Variants in WASF3 observed in about 807,000 individuals in gnomAD.
WASF3 encodes the protein actin-binding protein WASF3.
Under a neutral mutation model 46.6 loss-of-function variants are expected in WASF3, and 11 were observed. That is an observed-to-expected ratio of 0.24 (90% CI 0.15 to 0.39). WASF3 has a LOEUF of 0.39. Among genes scored for constraint, WASF3 ranks in the 10% least tolerant of loss-of-function variants. The pLI is 1.00. For missense variants in WASF3, 576 were observed against 669.8 expected, an observed-to-expected ratio of 0.86 and a Z score of 1.55; for synonymous variants, 242 against 259.7, an observed-to-expected ratio of 0.93 and a Z score of 0.65.
intron 1 of WASF3, among the ~76,000 whole-genome samples, chr13:26,604,142 A>G (rs539914609): frequency 6.6e-6 from 1 of 152,146 alleles, no homozygotes; most frequent in East Asian, 1.9e-4. Flanking sequence ...TTACTGTGTG[A>G]TTTTTTTTGG....
At chr13:26,622,907 A>G (rs1881351078) in intron 2 of WASF3, among the ~76,000 whole-genome samples, 1 of 152,238 alleles carries the variant, frequency 6.6e-6, no homozygotes, top group South Asian at 2.1e-4. Context: ...TCTTCCAATT[A>G]GGATATAAGA....
chr13:26,636,872 A>T (rs1881840592), intron 2 of WASF3, among the ~76,000 whole-genome samples: 3 of 151,164 alleles, frequency 2.0e-5, no homozygotes, highest in Non-Finnish European at 2.9e-5. Context: ...CTTCCTCAGC[A>T]TTGGGGGATG....
In WASF3 at chr13:26,601,477, TGGATGATGGG is replaced by T. The variant is rs529282338; in HGVS notation, c.-108-11474_-108-11465del. Among the ~76,000 whole-genome samples, 20 of 152,296 alleles carry T rather than the reference TGGATGATGGG, an allele frequency of 1.3e-4. No homozygotes were observed. In the East Asian group the frequency reaches 3.1e-3, roughly 24 times the overall value. On this transcript the variant is annotated intron_variant, in intron 1 of 9. Transcript: ENST00000335327. ...AAAGAAGCATCTTGTCACTGGAGTA[TGGATGATGGG>T]GGATGATGGAGAGGATAGGGGCAGA...
At chr13:26,666,855 C>T (rs1422955003) in intron 4 of WASF3, among the ~76,000 whole-genome samples, 4 of 89,708 alleles carry the variant, frequency 4.5e-5, no homozygotes, top group African/African-American at 1.8e-4. Context: ...GGTTACAGAG[C>T]AAGACTGTCT....
intron 6 of WASF3, among the ~76,000 whole-genome samples, chr13:26,675,507 CA>C (rs1883040609): frequency 6.6e-6 from 1 of 151,546 alleles, no homozygotes; most frequent in Non-Finnish European, 1.5e-5. Context: ...CACACACACA[CA>C]CACACACACA....
chr13:26,544,193 G>A, the WASF3 span, among the ~76,000 whole-genome samples: 13 of 152,294 alleles, frequency 8.5e-5, no homozygotes, highest in South Asian at 2.7e-3. Flanking sequence ...AGGAGTCAGT[G>A]ATATTAAGAG....
At chr13:26,557,871 C>G (rs1310761313) in intron 1 of WASF3, 52 bp downstream of exon 1, 1 of 297,232 alleles carries the variant, frequency 3.4e-6, no homozygotes. Context: ...TGCTGTGGCC[C>G]TCTCGGCTCC....
At chr13:26,592,776 T>C (rs1880343713) in intron 1 of WASF3, among the ~76,000 whole-genome samples, 1 of 152,198 alleles carries the variant, frequency 6.6e-6, no homozygotes, top group Admixed American at 6.5e-5. Context: ...GACATTCTTA[T>C]CAGTGTCTTG....
At chr13:26,544,813 G>GTGGCC in the WASF3 span, among the ~76,000 whole-genome samples, 1 of 152,232 alleles carries the variant, frequency 6.6e-6, no homozygotes, top group Non-Finnish European at 1.5e-5. Flanking sequence ...AGACCACACT[G>GTGGCC]TGGCCTGGCG....
chr13:26,562,340 C>G (rs551049782), intron 1 of WASF3, among the ~76,000 whole-genome samples: 1 of 152,018 alleles, frequency 6.6e-6, no homozygotes, highest in South Asian at 2.1e-4. Context: ...TCAGCTGCTG[C>G]GAGCTGTTAG....
At chr13:26,588,748 T>C (rs949184891) in intron 1 of WASF3, among the ~76,000 whole-genome samples, 1 of 152,182 alleles carries the variant, frequency 6.6e-6, no homozygotes, top group African/African-American at 2.4e-5. Flanking sequence ...TCTTTGCTCA[T>C]CTAACAAGTT....
At chr13:26,677,524 G>A (rs989870308) in intron 7 of WASF3, among the ~76,000 whole-genome samples, 2 of 152,192 alleles carry the variant, frequency 1.3e-5, no homozygotes, top group South Asian at 4.1e-4. Flanking sequence ...ACTTTGGGTT[G>A]TATCTGTGCC....
chr13:26,577,295 C>G, intron 1 of WASF3: 1 of 746,192 alleles, frequency 1.3e-6, no homozygotes, highest in East Asian at 2.5e-5. Context: ...TTTGTCTGTT[C>G]TGTGTTGGTT....
At position 26,679,447 on chromosome 13, in the gene WASF3, G is replaced by C. The variant is rs959921746; in HGVS notation, c.717-1607G>C. 2.6e-5 allele frequency among the ~76,000 whole-genome samples: 4 copies of C among 152,108 alleles called. No individual in the cohort carries two copies. The highest frequency in any genetic ancestry group is 9.7e-5 in the African/African-American group (4 of 41,400). ...CTTCACTTCTGCCTCCATCTGGTTAGCCCCTTTTCCTTGCTTCCTTTCTAC... is the reference window on the plus strand; with the variant it reads ...CTTCACTTCTGCCTCCATCTGGTTACCCCCTTTTCCTTGCTTCCTTTCTAC... On this transcript the variant is annotated intron_variant, in intron 7 of 9. Coordinates refer to ENST00000335327, the MANE Select transcript of WASF3 (RefSeq NM_006646.6). The surrounding 1 kb of genome is among the most constrained non-coding windows in gnomAD (Gnocchi z 4.8).
intron 6 of WASF3, among the ~76,000 whole-genome samples, chr13:26,674,170 C>T (rs921279466): frequency 1.3e-5 from 2 of 152,074 alleles, no homozygotes; most frequent in Non-Finnish European, 2.9e-5. Flanking sequence ...GTCCTGTGTG[C>T]ATGTTGATAG....
the WASF3 span, among the ~76,000 whole-genome samples, chr13:26,539,815 G>A: frequency 1.3e-5 from 2 of 152,294 alleles, no homozygotes; most frequent in Middle Eastern, 6.8e-3. Context: ...CTTGGCTTCT[G>A]TAGTTTGCTT....
rs185122619 is a variant in WASF3 at position 26,646,860 on chromosome 13, C to A, written c.133+4457C>A. 1.3e-3 allele frequency among the ~76,000 whole-genome samples: 199 copies of A among 152,292 alleles called. 1 individual carries two copies. The highest frequency in any genetic ancestry group is 4.4e-3 in the African/African-American group (181 of 41,570). Reference sequence around the variant, plus strand: ...TCTTTTCTAAATAGGAAGAGAGTTACCTGATCATTCTGATTCTTGTCACAC... The same window carrying A: ...TCTTTTCTAAATAGGAAGAGAGTTAACTGATCATTCTGATTCTTGTCACAC... On this transcript the variant is annotated intron_variant, in intron 3 of 9. Coordinates refer to ENST00000335327, the MANE Select transcript of WASF3 (RefSeq NM_006646.6).
intron 2 of WASF3, among the ~76,000 whole-genome samples, chr13:26,620,401 T>G (rs923767086): frequency 3.9e-5 from 6 of 152,196 alleles, no homozygotes; most frequent in Non-Finnish European, 8.8e-5. Flanking sequence ...AAAATATGGG[T>G]ATATTTTAAA....
chr13:26,588,504 A>G (rs1880194024), intron 1 of WASF3, among the ~76,000 whole-genome samples: 3 of 152,172 alleles, frequency 2.0e-5, no homozygotes, highest in Admixed American at 2.0e-4. Context: ...ATTAAACCTT[A>G]CTTGTGTTTT....
Sources: gnomAD v4.1 joint callset for allele counts (sites outside exome capture counted in the v4.1 genomes callset) on GRCh38, gnomAD v4.1.1 for gene constraint, Gnocchi (gnomAD v3.1) non-coding constraint, MANE v1.5 for transcripts, NCBI Gene and HGNC (gene_info 2026-07-23, HGNC 2026-07-21) for gene names.